Variants in CALN1 observed in about 807,000 individuals in gnomAD.
CALN1 encodes calneuron 1.
In CALN1, 17 loss-of-function variants were observed where a neutral mutation model predicts 30.6. The ratio of observed to expected loss-of-function variants is 0.56; its 90% confidence interval spans 0.38 to 0.83. The LOEUF is 0.83. Among genes scored for constraint, CALN1 ranks in the 40% least tolerant of loss-of-function variants. CALN1 has a pLI of 0.00. For missense variants in CALN1, 291 were observed against 354.9 expected, an observed-to-expected ratio of 0.82 and a Z score of 1.45; for synonymous variants, 156 against 131.4, an observed-to-expected ratio of 1.19 and a Z score of -1.28.
chr7:72,275,343 T>C (rs1339477257), intron 3 of CALN1, among the ~76,000 whole-genome samples: 3 of 152,058 alleles, frequency 2.0e-5, no homozygotes, highest in African/African-American at 7.2e-5. Context: ...GCAAGCAAAC[T>C]ATGCCCTGGA....
chr7:71,828,739 T>C (rs1269166180), intron 5 of CALN1, among the ~76,000 whole-genome samples: 1 of 151,102 alleles, frequency 6.6e-6, no homozygotes, highest in Non-Finnish European at 1.5e-5. Flanking sequence ...TGTGTGTGTG[T>C]GTAATTTGGG....
At chr7:71,870,925 C>G (rs1460003283) in intron 5 of CALN1, among the ~76,000 whole-genome samples, 24 of 152,162 alleles carry the variant, frequency 1.6e-4, no homozygotes, top group Non-Finnish European at 3.2e-4. Context: ...TGGAGTCCCA[C>G]CATACACTTC....
At chr7:71,901,552 G>C (rs1793850671) in intron 5 of CALN1, among the ~76,000 whole-genome samples, 1 of 151,998 alleles carries the variant, frequency 6.6e-6, no homozygotes, top group South Asian at 2.1e-4. Flanking sequence ...AAACAGAATG[G>C]TACTAGTATA....
At chr7:72,445,057 A>AACACACACACACACACACAC (rs4029789) in intron 1 of CALN1, among the ~76,000 whole-genome samples, 2 of 138,852 alleles carry the variant, frequency 1.4e-5, no homozygotes. Flanking sequence ...CAGTGAATTA[A>AACACACACACACACACACAC]ACACACACAC....
At chr7:72,459,224 G>T in the CALN1 span, among the ~76,000 whole-genome samples, 1 of 152,022 alleles carries the variant, frequency 6.6e-6, no homozygotes, top group Non-Finnish European at 1.5e-5. Flanking sequence ...ATATTAACAT[G>T]CGAAGTGAGC....
chr7:72,421,406 C>A (rs1807604295), intron 1 of CALN1, among the ~76,000 whole-genome samples: 1 of 151,926 alleles, frequency 6.6e-6, no homozygotes, highest in African/African-American at 2.4e-5. Context: ...TAACGTAAAT[C>A]CTCACCTTTT....
At chr7:72,123,352 A>G (rs1052305872) in intron 3 of CALN1, among the ~76,000 whole-genome samples, 1 of 152,178 alleles carries the variant, frequency 6.6e-6, no homozygotes, top group Non-Finnish European at 1.5e-5. Flanking sequence ...CAAAATGATA[A>G]ATGGTGGGAG....
At chr7:71,805,027 TAG>T (rs1307010669) in intron 6 of CALN1, among the ~76,000 whole-genome samples, 3 of 152,202 alleles carry the variant, frequency 2.0e-5, no homozygotes, top group Non-Finnish European at 4.4e-5. Context: ...TAATTTCTAA[TAG>T]AGTCCTTGTC....
chr7:72,328,242 T>C (rs1421801711), intron 2 of CALN1, among the ~76,000 whole-genome samples: 1 of 152,190 alleles, frequency 6.6e-6, no homozygotes, highest in Non-Finnish European at 1.5e-5. Flanking sequence ...TCACCTTGAA[T>C]TGCAATAATA....
At chr7:71,886,739 C>CT (rs1045293229) in intron 5 of CALN1, among the ~76,000 whole-genome samples, 5 of 148,004 alleles carry the variant, frequency 3.4e-5, no homozygotes, top group African/African-American at 1.3e-4. Context: ...CACCACTGCA[C>CT]TCCAGCCTGG....
chr7:71,803,753 CTGGG>C (rs1191513919), intron 6 of CALN1, among the ~76,000 whole-genome samples: 12 of 151,356 alleles, frequency 7.9e-5, no homozygotes, highest in Admixed American at 7.2e-4. Flanking sequence ...GGGTTCCTGC[CTGGG>C]TGCAGGCAGG....
intron 2 of CALN1, among the ~76,000 whole-genome samples, chr7:72,387,471 C>G (rs1805302150): frequency 6.6e-6 from 1 of 152,060 alleles, no homozygotes; most frequent in Non-Finnish European, 1.5e-5. Flanking sequence ...GTAGAGAAAC[C>G]TGACAAACAC....
chr7:71,878,332 G>A (rs2032550540), intron 5 of CALN1, among the ~76,000 whole-genome samples: 1 of 152,006 alleles, frequency 6.6e-6, no homozygotes, highest in African/African-American at 2.4e-5. Flanking sequence ...AACCCAGGAG[G>A]CAGAGGTTGC....
intron 1 of CALN1, among the ~76,000 whole-genome samples, chr7:72,444,943 G>A (rs73366916): frequency 0.016 from 2,448 of 151,902 alleles, 66 homozygotes; most frequent in African/African-American, 0.055. Flanking sequence ...AGCCCACCAC[G>A]GCCATTAAAG....
chr7:72,339,090 G>A (rs1039985857), intron 2 of CALN1, among the ~76,000 whole-genome samples: 3 of 151,798 alleles, frequency 2.0e-5, no homozygotes, highest in African/African-American at 7.3e-5. Context: ...TCTGTGCCGG[G>A]TTTATTTTAC....
Position 71,784,719 on chromosome 7 carries a change from C to CA in CALN1, c.*3055dup, listed in dbSNP as rs1431962564. Reference sequence around the variant, plus strand: ...ATCACTCAGCCTCCACACAGTTGGGCAGCCAAGGTCACTGGTTCCTAAGTC... The same window carrying CA: ...ATCACTCAGCCTCCACACAGTTGGGCAAGCCAAGGTCACTGGTTCCTAAGTC... On this transcript the variant is annotated 3_prime_UTR_variant, in exon 7 of 7. Transcript: ENST00000395275. 1.3e-5 allele frequency: 5 copies of CA among 398,154 alleles called. No homozygotes were observed. Among genetic ancestry groups the CA allele is most frequent in the African/African-American group, 1.0e-4 (5 of 48,600 alleles). 24.7% of individuals were successfully genotyped at this position (398,154 alleles called of 1,614,324 possible). A position where few individuals can be genotyped will look rare whatever the true frequency, so the allele number is the denominator to read the frequency against.
At chr7:72,477,297 A>C in the CALN1 span, among the ~76,000 whole-genome samples, 1 of 152,210 alleles carries the variant, frequency 6.6e-6, no homozygotes, top group Non-Finnish European at 1.5e-5. Flanking sequence ...GAATTGTATT[A>C]GGGGAGCAAA....
At chr7:72,127,107 G>C (rs539220172) in intron 3 of CALN1, among the ~76,000 whole-genome samples, 51 of 151,756 alleles carry the variant, frequency 3.4e-4, no homozygotes, top group Non-Finnish European at 5.3e-4. Flanking sequence ...CCATCCAGCA[G>C]ATTGCTGGAT....
intron 3 of CALN1, among the ~76,000 whole-genome samples, chr7:72,134,934 C>T (rs542487285): frequency 2.0e-5 from 3 of 152,310 alleles, no homozygotes; most frequent in Admixed American, 6.5e-5. Context: ...TATTCTACAA[C>T]GTTCACAATG....
Sources: allele counts gnomAD v4.1 joint callset (sites outside exome capture counted in the v4.1 genomes callset), GRCh38; gene constraint gnomAD v4.1.1; transcripts MANE v1.5; gene names NCBI Gene and HGNC (gene_info 2026-07-23, HGNC 2026-07-21).